Variants in ADCY1 observed in about 807,000 individuals in gnomAD.
The protein encoded by ADCY1 is adenylate cyclase type 1.
ADCY1 carries 28 observed loss-of-function variants against 105.4 expected under a neutral mutation model. That is an observed-to-expected ratio of 0.27 (90% CI 0.20 to 0.36). ADCY1 has a LOEUF of 0.36. Ranked by LOEUF, ADCY1 falls within the 10% of genes least tolerant of loss-of-function variation. ADCY1 has a pLI of 1.00. For missense variants in ADCY1, 977 were observed against 1,434.2 expected, an observed-to-expected ratio of 0.68 and a Z score of 5.15; for synonymous variants, 655 against 623.8, an observed-to-expected ratio of 1.05 and a Z score of -0.75.
intron 14 of ADCY1, among the ~76,000 whole-genome samples, chr7:45,698,616 T>C (rs1784931379): frequency 6.6e-6 from 1 of 152,172 alleles, no homozygotes; most frequent in South Asian, 2.1e-4. Context: ...CCGGGGGCCC[T>C]GGTGTTCAGA....
intron 8 of ADCY1, among the ~76,000 whole-genome samples, chr7:45,670,791 T>A (rs1784350059): frequency 6.6e-6 from 1 of 151,928 alleles, no homozygotes. Flanking sequence ...TGTGTGGATC[T>A]GCCCCAACTG....
intron 1 of ADCY1, among the ~76,000 whole-genome samples, chr7:45,583,110 A>G (rs530790510): frequency 6.6e-6 from 1 of 152,254 alleles, no homozygotes; most frequent in East Asian, 1.9e-4. Context: ...GGGCCTCTGT[A>G]TGGGCATGTG....
intron 2 of ADCY1, among the ~76,000 whole-genome samples, chr7:45,608,585 T>C (rs1793444014): frequency 6.6e-6 from 1 of 152,236 alleles, no homozygotes; most frequent in South Asian, 2.1e-4. Context: ...CAGTCTCCCA[T>C]GCTGGGGGCC....
chr7:45,606,333 G>A (rs1176175793), intron 2 of ADCY1, among the ~76,000 whole-genome samples: 2 of 152,146 alleles, frequency 1.3e-5, no homozygotes, highest in African/African-American at 4.8e-5. Flanking sequence ...GGGTGGGGTT[G>A]GGGCACAGAG....
intron 14 of ADCY1, among the ~76,000 whole-genome samples, chr7:45,698,019 C>T (rs1784918924): frequency 6.6e-6 from 1 of 152,214 alleles, no homozygotes; most frequent in South Asian, 2.1e-4. Flanking sequence ...ATTTATACCA[C>T]AGGGCCATGG....
chr7:45,604,372 G>A (rs1012265518), intron 2 of ADCY1, among the ~76,000 whole-genome samples: 5 of 152,020 alleles, frequency 3.3e-5, no homozygotes. Flanking sequence ...GGTTTAATTC[G>A]CCAGTTTTTC....
intron 2 of ADCY1, among the ~76,000 whole-genome samples, chr7:45,610,174 G>A (rs537546189): frequency 1.5e-4 from 23 of 152,320 alleles, no homozygotes; most frequent in Admixed American, 7.2e-4. Context: ...CATGAGGAGC[G>A]CCGCAGGGAG....
intron 1 of ADCY1, among the ~76,000 whole-genome samples, chr7:45,580,620 G>A (rs1285730113): frequency 6.6e-6 from 1 of 152,246 alleles, no homozygotes; most frequent in African/African-American, 2.4e-5. Context: ...AACCACTTGA[G>A]GCGGCTTCCC....
chr7:45,691,312 G>T (rs142298140), intron 14 of ADCY1, among the ~76,000 whole-genome samples: 43 of 152,348 alleles, frequency 2.8e-4, no homozygotes, highest in Admixed American at 1.6e-3. Flanking sequence ...CCCACATGGA[G>T]TATACTGCCA....
intron 7 of ADCY1, among the ~76,000 whole-genome samples, chr7:45,661,501 G>A (rs527798760): frequency 1.8e-4 from 28 of 152,198 alleles, no homozygotes; most frequent in African/African-American, 6.3e-4. Flanking sequence ...CATTCATGGG[G>A]TCCCACTTTC....
intron 3 of ADCY1, among the ~76,000 whole-genome samples, chr7:45,610,862 A>AGCTGTT (rs1562687318): frequency 8.3e-5 from 7 of 84,412 alleles, no homozygotes; most frequent in Admixed American, 1.3e-4. Flanking sequence ...GGAGTTGTGG[A>AGCTGTT]GATGATGGTG....
rs75529305 is a variant in ADCY1 at position 45,630,091 on chromosome 7, C to G, written c.1020+7348C>G. Among the ~76,000 whole-genome samples, 1,746 of 152,158 alleles carry G rather than the reference C, an allele frequency of 0.011. 60 individuals carry two copies. The East Asian group carries it at 0.13, about 11-fold the overall frequency. ...CTTTTTGGTGAAGTGTCTGTTGAAA[C>G]CTTTTGACCACTTCTTTTTATTTGG... On this transcript the variant is annotated intron_variant, in intron 4 of 19. Transcript: ENST00000297323.
chr7:45,686,832 G>A lies in ADCY1; in HGVS notation c.2454+159G>A, dbSNP rs986370779. 2.6e-5 allele frequency among the ~76,000 whole-genome samples: 4 copies of A among 152,246 alleles called. No homozygotes were observed. The highest frequency in any genetic ancestry group is 9.6e-5 in the African/African-American group (4 of 41,474). ...GCAAGCCAGGCACTGTCCGGGGATG[G>A]AGGAGACCTATGCTGGGGGTGCAGG... On this transcript the variant is annotated intron_variant, in intron 14 of 19. Transcript: ENST00000297323. The surrounding 1 kb of genome is among the most constrained non-coding windows in gnomAD (Gnocchi z 4.3).
intron 4 of ADCY1, among the ~76,000 whole-genome samples, chr7:45,637,545 G>C (rs1417736226): frequency 6.6e-6 from 1 of 151,804 alleles, no homozygotes; most frequent in Non-Finnish European, 1.5e-5. Context: ...AACATAATGA[G>C]ACCCCATTTC....
intron 2 of ADCY1, among the ~76,000 whole-genome samples, chr7:45,595,498 C>A (rs1208945555): frequency 6.6e-6 from 1 of 152,194 alleles, no homozygotes; most frequent in Non-Finnish European, 1.5e-5. Flanking sequence ...GACGGCGACT[C>A]CTTCATGCTT....
intron 1 of ADCY1, among the ~76,000 whole-genome samples, chr7:45,576,376 A>G (rs897656650): frequency 5.3e-5 from 8 of 152,254 alleles, no homozygotes; most frequent in Middle Eastern, 6.8e-3. Context: ...TCAACCTGGC[A>G]CAGGGATAGA....
chr7:45,712,055 T>A (rs1314382275), intron 19 of ADCY1, among the ~76,000 whole-genome samples: 9 of 130,854 alleles, frequency 6.9e-5, no homozygotes, highest in East Asian at 6.1e-4. Context: ...TATAATATAT[T>A]AAATATATAT....
At chr7:45,612,267 T>A (rs1323582822) in intron 3 of ADCY1, among the ~76,000 whole-genome samples, 1 of 152,210 alleles carries the variant, frequency 6.6e-6, no homozygotes, top group Non-Finnish European at 1.5e-5. Flanking sequence ...CTCTGCTAGA[T>A]ACTTGGTTCT....
chr7:45,685,875 T>A, intron 12 of ADCY1, 87 bp from the exon 13 acceptor site: 1 of 1,496,462 alleles, frequency 6.7e-7, no homozygotes, highest in Non-Finnish European at 8.9e-7. Context: ...TTGGGAGACC[T>A]GCTTGAAGAG....
Sources: allele counts gnomAD v4.1 joint callset (sites outside exome capture counted in the v4.1 genomes callset), GRCh38; gene constraint gnomAD v4.1.1; non-coding constraint Gnocchi (gnomAD v3.1); transcripts MANE v1.5; gene names NCBI Gene and HGNC (gene_info 2026-07-23, HGNC 2026-07-21).